Variants in SYT3 observed in about 807,000 individuals in gnomAD.
SYT3 encodes synaptotagmin-3.
In SYT3, 25 loss-of-function variants were observed where a neutral mutation model predicts 50.6. That is an observed-to-expected ratio of 0.49 (90% CI 0.36 to 0.69). The LOEUF (loss-of-function observed/expected upper bound fraction) is 0.69. SYT3 is among the 30% of genes least tolerant of loss of function. SYT3 has a pLI of 0.00. For missense variants in SYT3, 589 were observed against 793.6 expected (o/e 0.74, Z 3.10); for synonymous variants, 323 against 353.9 (o/e 0.91, Z 0.98).
At chr19:50,644,571 G>T (rs1487155549), upstream of SYT3, among the ~76,000 whole-genome samples, 1 of 151,720 alleles carries the variant, frequency 6.6e-6, no homozygotes, top group Non-Finnish European at 1.5e-5. Context: ...TGGATGGGAT[G>T]GATGGAAGCT....
intron 6 of SYT3, 46 bp downstream of exon 6, chr19:50,629,248 T>A: frequency 6.7e-7 from 1 of 1,486,418 alleles, no homozygotes; most frequent in Non-Finnish European, 9.1e-7. Context: ...ACCCGGGGGG[T>A]CTCAGGGCCC....
At chr19:50,622,550 C>T in intron 10 of SYT3, 69 bp from the exon 11 acceptor site, 1 of 698,030 alleles carries the variant, frequency 1.4e-6, no homozygotes. Flanking sequence ...CCTGTAGCTC[C>T]ATCACCACCC....
chr19:50,651,465 C>T, the SYT3 span, among the ~76,000 whole-genome samples: 1 of 152,194 alleles, frequency 6.6e-6, no homozygotes, highest in African/African-American at 2.4e-5. Flanking sequence ...TTCATTGAAA[C>T]ACACATTGCC....
chr19:50,652,551 C>G, the SYT3 span, among the ~76,000 whole-genome samples: 1 of 152,158 alleles, frequency 6.6e-6, no homozygotes, highest in Non-Finnish European at 1.5e-5. Flanking sequence ...CAAGATCCTG[C>G]AGCAGGAGGG....
At position 50,629,335 on chromosome 19, in the gene SYT3, G is replaced by T. The variant is rs1394747697; in HGVS notation, c.1240C>A (p.Pro414Thr). 2 of 1,612,784 alleles carry T rather than the reference G, an allele frequency of 1.2e-6. No homozygotes were observed. The highest frequency in any genetic ancestry group is 1.7e-6 in the Non-Finnish European group (2 of 1,179,416). Residue 414 changes from proline (P) to threonine (T), a missense_variant, in exon 6 of 11, where the codon CCT becomes ACT. This residue lies in a region of SYT3 where 273 missense variants were observed against 439.3 expected (regional missense o/e 0.62). Coordinates refer to ENST00000600079, the MANE Select transcript of SYT3 (RefSeq NM_001160329.2). ...DNLLELAEQP[P>T]DRPLWRDIVE... ...ATGTCCCTCCAGAGCGGGCGGTCAG[G>T]GGGCTGCTCGGCCAGCTCCAGGAGG...
intron 4 of SYT3, among the ~76,000 whole-genome samples, chr19:50,631,274 C>G (rs1416680444): frequency 1.3e-5 from 2 of 151,850 alleles, no homozygotes; most frequent in Admixed American, 1.3e-4. Context: ...TCTCAGCCTC[C>G]CGAGTAGCTG....
the SYT3 span, chr19:50,656,428 G>C: frequency 6.9e-7 from 1 of 1,449,478 alleles, no homozygotes; most frequent in South Asian, 1.4e-5. Flanking sequence ...AGTGTGGCCA[G>C]AGTTTAAATT....
chr19:50,625,925 G>T lies in SYT3; in HGVS notation c.1374C>A (p.Leu458=). 1 of 1,614,096 alleles carries T rather than the reference G, an allele frequency of 6.2e-7. No individual in the cohort carries two copies. The highest frequency in any genetic ancestry group is 8.5e-7 in the Non-Finnish European group (1 of 1,180,006). The change falls in exon 7 of 11, where the codon CTC becomes CTA. Residue 458 remains leucine, a synonymous_variant. Coordinates refer to ENST00000600079, the MANE Select transcript of SYT3 (RefSeq NM_001160329.2). This position sits in a 1 kb window ranked among gnomAD's most constrained non-coding sequence, Gnocchi z 7.5. ...LTVTIIKASN[L]KAMDLTGFSD... is the part of the protein sequence containing the mutation. ...AGAAGCCAGTGAGGTCCATCGCTTT[G>T]AGGTTAGAGGCTTTGATGATGGTCA...
At chr19:50,623,494 T>C (rs2122993320) in intron 9 of SYT3, among the ~76,000 whole-genome samples, 1 of 152,012 alleles carries the variant, frequency 6.6e-6, no homozygotes, top group South Asian at 2.1e-4. Flanking sequence ...TCATGCAATA[T>C]TGGCCAGGCG....
At chr19:50,622,600 G>C in intron 10 of SYT3, 87 bp downstream of exon 10, 1 of 943,666 alleles carries the variant, frequency 1.1e-6, no homozygotes, top group South Asian at 1.3e-5. Flanking sequence ...TCCTCCCTCA[G>C]ACCCAGGAGT....
chr19:50,655,340 T>G, the SYT3 span, among the ~76,000 whole-genome samples: 1 of 152,076 alleles, frequency 6.6e-6, no homozygotes, highest in African/African-American at 2.4e-5. Flanking sequence ...GGAGACTGAT[T>G]CTGAGAGTGT....
chr19:50,631,159 CTTT>C (rs1042289934), intron 4 of SYT3, among the ~76,000 whole-genome samples: 11 of 71,362 alleles, frequency 1.5e-4, no homozygotes, highest in Non-Finnish European at 2.7e-4. Context: ...TTTCTTTTTT[CTTT>C]CTTTCTTTTT....
intron 5 of SYT3, 33 bp from the exon 6 acceptor site, chr19:50,629,545 G>A (rs770035376): frequency 3.2e-6 from 5 of 1,579,274 alleles, no homozygotes; most frequent in East Asian, 2.2e-5. Context: ...GACAGACACC[G>A]TGCCCATAAG....
At chr19:50,657,839 C>A in the SYT3 span, 1 of 994,756 alleles carries the variant, frequency 1.0e-6, no homozygotes, top group Non-Finnish European at 1.4e-6. Flanking sequence ...ACCATAGCGA[C>A]AGTACCCTGG....
At chr19:50,643,906 G>A (rs1386150848), upstream of SYT3, among the ~76,000 whole-genome samples, 1 of 152,154 alleles carries the variant, frequency 6.6e-6, no homozygotes, top group Non-Finnish European at 1.5e-5. Flanking sequence ...AAGTTCCTGA[G>A]CAAGTGACTT....
intron 3 of SYT3, among the ~76,000 whole-genome samples, chr19:50,634,947 T>G (rs1984447986): frequency 2.0e-5 from 3 of 151,478 alleles, no homozygotes; most frequent in Admixed American, 1.3e-4. Flanking sequence ...AGTGCAGTGA[T>G]GTGATCTCTG....
chr19:50,636,988 G>A (rs2123021735), intron 3 of SYT3, among the ~76,000 whole-genome samples: 1 of 152,288 alleles, frequency 6.6e-6, no homozygotes, highest in East Asian at 1.9e-4. Context: ...TCTGACTCAA[G>A]AGCCTGACAT....
intron 2 of SYT3, chr19:50,638,137 A>G (rs1455893811): frequency 4.6e-5 from 7 of 152,250 alleles, no homozygotes; most frequent in East Asian, 1.9e-4. Context: ...AATGTGTCAC[A>G]AAGGAACTCA....
chr19:50,625,665 C>A lies in SYT3; in HGVS notation c.1403-101G>T. On this transcript the variant is annotated intron_variant, in intron 7 of 10. Transcript: ENST00000600079. The surrounding 1 kb of genome is among the most constrained non-coding windows in gnomAD (Gnocchi z 7.5). Reference sequence around the variant, plus strand: ...CCCTCCTCCCTCAGACCCAGAGGTCCGGGGCCCCAGGCCCCCAGTCCCTCC... The same window carrying A: ...CCCTCCTCCCTCAGACCCAGAGGTCAGGGGCCCCAGGCCCCCAGTCCCTCC... The A allele has an allele frequency of 6.9e-7, 1 of 1,451,258 alleles. No individual in the cohort carries two copies. Among genetic ancestry groups the A allele is most frequent in the East Asian group, 2.5e-5 (1 of 40,422 alleles). The allele number at this position is 1,451,258 out of a possible 1,614,324, so 89.9% of individuals were successfully genotyped here.
Sources: gnomAD v4.1 joint callset for allele counts (sites outside exome capture counted in the v4.1 genomes callset) on GRCh38, gnomAD v4.1.1 for gene constraint, gnomAD v4.1.1 regional missense constraint, Gnocchi (gnomAD v3.1) non-coding constraint, MANE v1.5 for transcripts, NCBI Gene and HGNC (gene_info 2026-07-23, HGNC 2026-07-21) for gene names.